Variants in RAD51B observed in about 807,000 individuals in gnomAD.
RAD51B encodes the protein DNA repair protein RAD51 homolog 2.
RAD51B carries 38 observed loss-of-function variants against 42.2 expected under a neutral mutation model. The observed-to-expected ratio is 0.90, with a 90% CI of 0.70 to 1.18. RAD51B has a LOEUF of 1.18. Among genes scored for constraint, RAD51B ranks in the 50% most tolerant of loss-of-function variants. The pLI is 0.00. For synonymous variants in RAD51B, 154 were observed against 145.2 expected, an observed-to-expected ratio of 1.06 and a Z score of -0.43; for missense variants, 373 against 400.7, an observed-to-expected ratio of 0.93 and a Z score of 0.59.
At chr14:68,369,466 G>A (rs932427082) in intron 8 of RAD51B, among the ~76,000 whole-genome samples, 1 of 152,188 alleles carries the variant, frequency 6.6e-6, no homozygotes, top group Non-Finnish European at 1.5e-5. Flanking sequence ...GTCCTCTAAG[G>A]TTCTTTCCTG....
At chr14:68,140,011 G>A (rs747285396) in intron 7 of RAD51B, among the ~76,000 whole-genome samples, 1 of 152,188 alleles carries the variant, frequency 6.6e-6, no homozygotes, top group Non-Finnish European at 1.5e-5. Flanking sequence ...AGCAGCAGGT[G>A]CCTCCCTGAG....
chr14:68,656,109 A>C (rs1462726850), intron 11 of RAD51B, among the ~76,000 whole-genome samples: 4 of 152,168 alleles, frequency 2.6e-5, no homozygotes, highest in Admixed American at 2.0e-4. Flanking sequence ...GAGAACCCAC[A>C]GGAATGGCAG....
At chr14:68,130,184 A>C (rs2077857007) in intron 7 of RAD51B, 1 of 152,202 alleles carries the variant, frequency 6.6e-6, no homozygotes, top group Non-Finnish European at 1.5e-5. Flanking sequence ...CTCAACTCCT[A>C]GAGGTTGTTC....
intron 7 of RAD51B, among the ~76,000 whole-genome samples, chr14:68,179,929 T>C (rs1185036101): frequency 6.6e-6 from 1 of 152,186 alleles, no homozygotes; most frequent in African/African-American, 2.4e-5. Flanking sequence ...AGTTGAGGTC[T>C]GACTTCAAGA....
intron 4 of RAD51B, among the ~76,000 whole-genome samples, chr14:67,859,210 GA>G (rs1422011779): frequency 1.3e-5 from 2 of 152,152 alleles, no homozygotes; most frequent in African/African-American, 4.8e-5. Flanking sequence ...ATACTGGGAT[GA>G]ATTATAAGTC....
At chr14:67,915,646 C>A (rs547162189) in intron 7 of RAD51B, among the ~76,000 whole-genome samples, 5 of 152,274 alleles carry the variant, frequency 3.3e-5, no homozygotes, top group Non-Finnish European at 7.4e-5. Flanking sequence ...CCCAGCTTTC[C>A]TCTTGACTTT....
intron 7 of RAD51B, among the ~76,000 whole-genome samples, chr14:68,242,759 A>G (rs1226148632): frequency 6.6e-6 from 1 of 152,252 alleles, no homozygotes; most frequent in African/African-American, 2.4e-5. Context: ...TGACAACCAC[A>G]TGAGGAAGAT....
chr14:68,044,147 C>T (rs2076261607), intron 7 of RAD51B, among the ~76,000 whole-genome samples: 1 of 152,176 alleles, frequency 6.6e-6, no homozygotes, highest in Admixed American at 6.5e-5. Flanking sequence ...CTCTCACTGT[C>T]TTCTTGAGAA....
chr14:68,194,615 T>G (rs941180059), intron 7 of RAD51B, among the ~76,000 whole-genome samples: 1 of 152,226 alleles, frequency 6.6e-6, no homozygotes, highest in Admixed American at 6.5e-5. Flanking sequence ...AATAGAGAAT[T>G]ATATCTGCCC....
At chr14:68,408,500 A>G (rs909652246) in intron 8 of RAD51B, among the ~76,000 whole-genome samples, 1 of 152,222 alleles carries the variant, frequency 6.6e-6, no homozygotes, top group Non-Finnish European at 1.5e-5. Flanking sequence ...CCACCTTGTC[A>G]AATGGGCTCT....
At chr14:68,538,325 G>A (rs1026445328) in intron 10 of RAD51B, among the ~76,000 whole-genome samples, 2 of 152,202 alleles carry the variant, frequency 1.3e-5, no homozygotes, top group Non-Finnish European at 2.9e-5. Context: ...CTGGAGCTGG[G>A]GTGAGAAGGG....
intron 7 of RAD51B, among the ~76,000 whole-genome samples, chr14:68,004,262 G>A (rs1417317693): frequency 6.6e-6 from 1 of 150,622 alleles, no homozygotes; most frequent in African/African-American, 2.4e-5. Flanking sequence ...GAACCCGGGA[G>A]GTGGAGGTTG....
chr14:68,456,842 A>G (rs2085699489), intron 9 of RAD51B, among the ~76,000 whole-genome samples: 1 of 142,934 alleles, frequency 7.0e-6, no homozygotes, highest in South Asian at 2.3e-4. Context: ...TTGAAATCAT[A>G]CAAACTTCTC....
At chr14:68,059,052 G>T (rs2076526697) in intron 7 of RAD51B, among the ~76,000 whole-genome samples, 1 of 151,952 alleles carries the variant, frequency 6.6e-6, no homozygotes, top group South Asian at 2.1e-4. Flanking sequence ...TCTTTCATGG[G>T]TTATTCATGG....
chr14:68,412,221 A>T (rs911796287), intron 9 of RAD51B, among the ~76,000 whole-genome samples: 14 of 152,224 alleles, frequency 9.2e-5, no homozygotes, highest in Non-Finnish European at 2.9e-5. Flanking sequence ...AATGTTTCAT[A>T]ATAAAAAAAT....
At chr14:68,267,159 G>T (rs890407402) in intron 7 of RAD51B, among the ~76,000 whole-genome samples, 31 of 152,140 alleles carry the variant, frequency 2.0e-4, no homozygotes, top group African/African-American at 7.2e-4. Context: ...GAAGAGTATT[G>T]TGCTTTCCGC....
intron 7 of RAD51B, among the ~76,000 whole-genome samples, chr14:67,959,448 C>T (rs529140605): frequency 3.6e-4 from 55 of 152,124 alleles, no homozygotes; most frequent in African/African-American, 1.1e-3. Flanking sequence ...GGGGTTTTAC[C>T]GTGTTAGCCA....
intron 7 of RAD51B, among the ~76,000 whole-genome samples, chr14:67,899,256 A>G (rs372200893): frequency 3.3e-5 from 5 of 151,546 alleles, no homozygotes; most frequent in South Asian, 2.1e-4. Flanking sequence ...TCACCATGTT[A>G]GCCAGGATGG....
intron 10 of RAD51B, among the ~76,000 whole-genome samples, chr14:68,524,497 G>C (rs1007402985): frequency 1.3e-5 from 2 of 152,072 alleles, no homozygotes; most frequent in Admixed American, 1.3e-4. Context: ...TGCTGCCCTG[G>C]GAAACACACA....
Sources: gnomAD v4.1 joint callset for allele counts (sites outside exome capture counted in the v4.1 genomes callset) on GRCh38, gnomAD v4.1.1 for gene constraint, MANE v1.5 for transcripts, NCBI Gene and HGNC (gene_info 2026-07-23, HGNC 2026-07-21) for gene names.